UNC80: variants seen among roughly 807,000 people sequenced by gnomAD.
UNC80 encodes the protein unc-80 subunit of NALCN channel complex.
Under a neutral mutation model 384.6 loss-of-function variants are expected in UNC80, and 164 were observed. The ratio of observed to expected loss-of-function variants is 0.43; its 90% confidence interval spans 0.38 to 0.49. The LOEUF is 0.49. Ranked by LOEUF, UNC80 falls within the 20% of genes least tolerant of loss-of-function variation. The pLI is 0.00. For synonymous variants in UNC80, 1,486 were observed against 1,527.8 expected (o/e 0.97, Z 0.64); for missense variants, 3,330 against 4,143.0 (o/e 0.80, Z 5.39).
intron 64 of UNC80, among the ~76,000 whole-genome samples, chr2:209,994,962 A>G (rs2093458476): frequency 1.3e-5 from 2 of 152,142 alleles, no homozygotes; most frequent in East Asian, 3.9e-4. Context: ...ATTTTTATAA[A>G]TGAATTCTTA....
intron 21 of UNC80, among the ~76,000 whole-genome samples, chr2:209,846,261 A>T (rs1250058663): frequency 6.6e-6 from 1 of 152,164 alleles, no homozygotes; most frequent in Admixed American, 6.6e-5. Flanking sequence ...CAATAAATAA[A>T]AACTGTATCT....
Position 209,894,144 on chromosome 2 carries a change from T to C in UNC80, c.4277-19T>C. On this transcript the variant is annotated intron_variant, in intron 26 of 64. Coordinates refer to ENST00000673920, the MANE Select transcript of UNC80 (RefSeq NM_001371986.1). The stretch of plus-strand genomic sequence containing the variant: ...GAACACTAGGGGGGAAAAAGCCCTA[T>C]TTTATTCTTTTAATACAGTTCCCAG... 1.0e-6 allele frequency: 1 copy of C among 985,192 alleles called. No homozygotes were observed. The highest frequency in any genetic ancestry group is 1.2e-6 in the Non-Finnish European group (1 of 829,780). 61.0% of individuals were successfully genotyped at this position (985,192 alleles called of 1,614,324 possible).
At chr2:209,992,531 C>G (rs1039699564) in intron 62 of UNC80, among the ~76,000 whole-genome samples, 3 of 152,098 alleles carry the variant, frequency 2.0e-5, no homozygotes, top group Non-Finnish European at 4.4e-5. Flanking sequence ...CAGCACAGAG[C>G]AACTTTAAAA....
chr2:209,926,121 G>C (rs2090414122), intron 35 of UNC80, among the ~76,000 whole-genome samples: 1 of 152,146 alleles, frequency 6.6e-6, no homozygotes, highest in Non-Finnish European at 1.5e-5. Context: ...GGTGGGCTAT[G>C]TCATTCTTAT....
At chr2:209,978,819 T>G in intron 59 of UNC80, 111 bp downstream of exon 59, 2 of 1,111,242 alleles carry the variant, frequency 1.8e-6, no homozygotes, top group South Asian at 5.7e-5. Context: ...CCCTAGTCAT[T>G]TTTACAAAAG....
At chr2:209,983,921 G>A (rs1376579097) in intron 60 of UNC80, among the ~76,000 whole-genome samples, 5 of 152,068 alleles carry the variant, frequency 3.3e-5, no homozygotes, top group Non-Finnish European at 5.9e-5. Flanking sequence ...TGTACATAAG[G>A]GAAAGTGAGT....
At chr2:209,942,505 T>A (rs2091695299) in intron 44 of UNC80, among the ~76,000 whole-genome samples, 1 of 152,198 alleles carries the variant, frequency 6.6e-6, no homozygotes, top group South Asian at 2.1e-4. Flanking sequence ...TATAGCTGGC[T>A]ACATTTAGGA....
At chr2:209,870,265 A>G (rs2124878790) in intron 22 of UNC80, among the ~76,000 whole-genome samples, 1 of 152,340 alleles carries the variant, frequency 6.6e-6, no homozygotes, top group African/African-American at 2.4e-5. Context: ...ACAGGCTAAG[A>G]ATAAATTTGC....
At chr2:209,955,470 G>A (rs1431326872) in intron 48 of UNC80, among the ~76,000 whole-genome samples, 1 of 149,762 alleles carries the variant, frequency 6.7e-6, no homozygotes, top group Admixed American at 6.7e-5. Flanking sequence ...TAAGGAAATG[G>A]GAAGAGTTGG....
chr2:209,824,302 C>T (rs538431589), intron 13 of UNC80, among the ~76,000 whole-genome samples: 11 of 152,178 alleles, frequency 7.2e-5, no homozygotes, highest in African/African-American at 1.2e-4. Context: ...TGAAGATATG[C>T]GTGCAGGCAA....
intron 48 of UNC80, 69 bp from the exon 49 acceptor site, chr2:209,957,575 G>A (rs910722006): frequency 1.3e-5 from 18 of 1,344,614 alleles, no homozygotes; most frequent in Non-Finnish European, 1.7e-5. Flanking sequence ...GTAACTTGAG[G>A]ATTTAATAAA....
At chr2:209,979,637 C>T (rs1358699822) in intron 59 of UNC80, among the ~76,000 whole-genome samples, 1 of 152,148 alleles carries the variant, frequency 6.6e-6, no homozygotes, top group East Asian at 1.9e-4. Flanking sequence ...GTATGCTTCA[C>T]AGGAGGTTAT....
intron 18 of UNC80, among the ~76,000 whole-genome samples, chr2:209,838,851 C>T (rs1422651645): frequency 6.6e-6 from 1 of 152,146 alleles, no homozygotes; most frequent in African/African-American, 2.4e-5. Context: ...GTCCCAGCTA[C>T]TCCGGAGGCT....
At position 209,813,818 on chromosome 2, in the gene UNC80, C is replaced by G; in HGVS notation, c.1177C>G (p.Leu393Val). 1.9e-6 allele frequency: 3 copies of G among 1,552,062 alleles called. No homozygotes were observed. Among genetic ancestry groups the G allele is most frequent in the South Asian group, 1.2e-5 (1 of 84,052 alleles). ...SSSMVAAAPS[L>V]VNTHKTQDLT... ...CTCCATGGTGGCAGCAGCTCCCTCA[C>G]TAGTGAACACCCACAAAACCCAAGT... Residue 393 changes from leucine (L) to valine (V), a missense_variant, in exon 8 of 65, where the codon CTA becomes GTA. Leu to Val is a conservative substitution (Grantham distance 32). Around this residue, in one of 8 missense-constraint regions of UNC80, gnomAD observed 937 missense variants for 1,026.8 expected, o/e 0.91. Transcript: ENST00000673920.
chr2:209,957,503 C>G (rs2092458096), intron 48 of UNC80, 141 bp from the exon 49 acceptor site: 3 of 666,882 alleles, frequency 4.5e-6, no homozygotes, highest in Non-Finnish European at 7.4e-6. Flanking sequence ...CAGAAAAGCC[C>G]AAAGCTAGAC....
At chr2:209,866,186 C>T (rs919473903) in intron 22 of UNC80, among the ~76,000 whole-genome samples, 9 of 151,940 alleles carry the variant, frequency 5.9e-5, no homozygotes, top group African/African-American at 2.2e-4. Context: ...TTTAATCTTT[C>T]CTTCTGTAAA....
At chr2:209,876,240 A>C (rs887518196) in intron 23 of UNC80, among the ~76,000 whole-genome samples, 2 of 152,146 alleles carry the variant, frequency 1.3e-5, no homozygotes, top group African/African-American at 4.8e-5. Context: ...AGCCCCTCTA[A>C]ACTTCCTATT....
rs772116361 is a variant in UNC80 at position 209,812,542 on chromosome 2, C to T, written c.939-1038C>T. Reference sequence around the variant, plus strand: ...GTGAGAGCACTTTGTATGTGGGTAGCATCATTTGCTAGTTCATGGTAGGGT... The same window carrying T: ...GTGAGAGCACTTTGTATGTGGGTAGTATCATTTGCTAGTTCATGGTAGGGT... On this transcript the variant is annotated intron_variant, in intron 7 of 64. Coordinates refer to ENST00000673920, the MANE Select transcript of UNC80 (RefSeq NM_001371986.1). Among the ~76,000 whole-genome samples, 3 of 152,102 alleles carry T rather than the reference C, an allele frequency of 2.0e-5. No homozygotes were observed. The South Asian group carries it at 6.2e-4, about 32-fold the overall frequency.
intron 31 of UNC80, among the ~76,000 whole-genome samples, chr2:209,915,354 G>A (rs1296934788): frequency 4.1e-5 from 6 of 147,654 alleles, no homozygotes; most frequent in Middle Eastern, 3.6e-3. Flanking sequence ...GCAGTGAGCC[G>A]AGATTGTGCC....
Sources: gnomAD v4.1 joint callset for allele counts (sites outside exome capture counted in the v4.1 genomes callset) on GRCh38, gnomAD v4.1.1 for gene constraint, gnomAD v4.1.1 regional missense constraint, MANE v1.5 for transcripts, NCBI Gene and HGNC (gene_info 2026-07-23, HGNC 2026-07-21) for gene names.